PCDHGC3: variants seen among roughly 807,000 people sequenced by gnomAD.
PCDHGC3 encodes the protein protocadherin gamma subfamily C, 3.
A neutral mutation model predicts 59.2 loss-of-function variants in PCDHGC3; 26 were observed. The observed-to-expected ratio is 0.44, with a 90% confidence interval of 0.32 to 0.61. The LOEUF is 0.61. Among genes scored for constraint, PCDHGC3 ranks in the 20% least tolerant of loss-of-function variants. The pLI is 0.05. For missense variants in PCDHGC3, 1,080 were observed against 1,221.8 expected, an observed-to-expected ratio of 0.88 and a Z score of 1.73; for synonymous variants, 487 against 519.7, an observed-to-expected ratio of 0.94 and a Z score of 0.86.
intron 2 of PCDHGC3, among the ~76,000 whole-genome samples, chr5:141,503,458 G>A (rs948221006): frequency 2.0e-5 from 3 of 152,018 alleles, no homozygotes; most frequent in Non-Finnish European, 4.4e-5. Flanking sequence ...CGCTGGGCAT[G>A]GTGGCATGTG....
Position 141,490,479 on chromosome 5 carries a change from C to A in PCDHGC3, c.2431-4328C>A. 6.2e-7 allele frequency: 1 copy of A among 1,614,216 alleles called. No homozygotes were observed. Among genetic ancestry groups the A allele is most frequent in the South Asian group, 1.1e-5 (1 of 91,086 alleles). On this transcript the variant is annotated intron_variant, in intron 1 of 3. Transcript: ENST00000308177. The surrounding 1 kb of genome is among the most constrained non-coding windows in gnomAD (Gnocchi z 5.4). ...CGCTGCTAACCAGCCAGCCTTTGGA[C>A]CGGGAGGCCACATCCCACTATATCA...
chr5:141,501,292 C>CACAT (rs200296563), intron 2 of PCDHGC3, among the ~76,000 whole-genome samples: 14,029 of 50,334 alleles, frequency 0.28, 723 homozygotes, highest in Admixed American at 0.4. Flanking sequence ...TTCCCTTATA[C>CACAT]ACACACACAC....
intron 2 of PCDHGC3, among the ~76,000 whole-genome samples, chr5:141,497,478 C>T (rs974494984): frequency 6.0e-5 from 9 of 150,954 alleles, no homozygotes; most frequent in South Asian, 4.2e-4. Context: ...GGAGAAGGTG[C>T]GGAACCTCTC....
intron 2 of PCDHGC3, among the ~76,000 whole-genome samples, chr5:141,504,178 A>C (rs572543892): frequency 4.5e-4 from 69 of 152,366 alleles, no homozygotes; most frequent in Non-Finnish European, 7.6e-4. Context: ...AAATTCAAAA[A>C]AATCATGAAA....
chr5:141,493,560 C>T lies in PCDHGC3; in HGVS notation c.2431-1247C>T, dbSNP rs1222578153. ...TTATCCTTTTGGAGATTGAGTTCCCCCAGCTCCGTTTCCTCCTATCACAAT... is the reference window on the plus strand; with the variant it reads ...TTATCCTTTTGGAGATTGAGTTCCCTCAGCTCCGTTTCCTCCTATCACAAT... On this transcript the variant is annotated intron_variant, in intron 1 of 3. Transcript: ENST00000308177. The surrounding 1 kb of genome is among the most constrained non-coding windows in gnomAD (Gnocchi z 4.3). Among the ~76,000 whole-genome samples, 4 of 152,162 alleles carry T rather than the reference C, an allele frequency of 2.6e-5. No individual in the cohort carries two copies. The highest frequency in any genetic ancestry group is 2.1e-4 in the South Asian group (1 of 4,830).
At chr5:141,482,768 CTGA>C (rs2099572195) in intron 1 of PCDHGC3, among the ~76,000 whole-genome samples, 1 of 126,868 alleles carries the variant, frequency 7.9e-6, no homozygotes, top group Admixed American at 7.7e-5. Flanking sequence ...TTCATTATCA[CTGA>C]ACCTTAAACT....
Position 141,491,844 on chromosome 5 carries a change from G to A in PCDHGC3, c.2431-2963G>A. On this transcript the variant is annotated intron_variant, in intron 1 of 3. Transcript: ENST00000308177. The surrounding 1 kb of genome is among the most constrained non-coding windows in gnomAD (Gnocchi z 6.9). ...GCTCCACCCGATTCTCGGGATCATT[G>A]GACCGTTTGCGCGAAACCAGAGTGG... 1 of 1,464,184 alleles carries A rather than the reference G, an allele frequency of 6.8e-7. No homozygotes were observed. 90.7% of individuals were successfully genotyped at this position (1,464,184 alleles called of 1,614,324 possible).
intron 2 of PCDHGC3, among the ~76,000 whole-genome samples, chr5:141,500,381 T>G (rs1013284512): frequency 7.2e-5 from 11 of 151,786 alleles, no homozygotes; most frequent in African/African-American, 2.7e-4. Flanking sequence ...GCTAATTATT[T>G]TGTATTTTTA....
intron 2 of PCDHGC3, among the ~76,000 whole-genome samples, chr5:141,496,406 G>C (rs1485949584): frequency 6.6e-6 from 1 of 152,160 alleles, no homozygotes; most frequent in African/African-American, 2.4e-5. Flanking sequence ...CTCAATGGTT[G>C]AGTACTTGCT....
intron 2 of PCDHGC3, among the ~76,000 whole-genome samples, chr5:141,504,359 A>C (rs988295720): frequency 2.6e-5 from 4 of 152,044 alleles, no homozygotes; most frequent in African/African-American, 9.7e-5. Flanking sequence ...TAGGTGCTTC[A>C]GTAGGAAGCA....
At chr5:141,507,474 C>T (rs774159694) in intron 3 of PCDHGC3, among the ~76,000 whole-genome samples, 2 of 152,196 alleles carry the variant, frequency 1.3e-5, no homozygotes, top group Non-Finnish European at 2.9e-5. Flanking sequence ...GCAGGGACTG[C>T]TGGCCTCCTG....
chr5:141,487,577 C>A lies in PCDHGC3; in HGVS notation c.2431-7230C>A. 1.2e-6 allele frequency: 2 copies of A among 1,614,150 alleles called. No individual in the cohort carries two copies. Among genetic ancestry groups the A allele is most frequent in the Non-Finnish European group, 1.7e-6 (2 of 1,180,024 alleles). ...ACCTATGGCAGGGGAGCCTGTTCGC[C>A]CAAGCTGCCCACCCTCTGATCTTCT... On this transcript the variant is annotated intron_variant, in intron 1 of 3. Coordinates refer to ENST00000308177, the MANE Select transcript of PCDHGC3 (RefSeq NM_002588.4). The surrounding 1 kb of genome is among the most constrained non-coding windows in gnomAD (Gnocchi z 5.0).
chr5:141,477,219 G>A lies in PCDHGC3; in HGVS notation c.1103G>A (p.Gly368Glu). Reference protein sequence around the residue: ...YSPVPEDAPLGTVIALLSVTD... With the variant: ...YSPVPEDAPLETVIALLSVTD... ...CCAGTACCCGAGGATGCCCCTCTGG[G>A]GACTGTCATCGCTTTGCTCAGTGTG... Residue 368 changes from glycine (G) to glutamate (E), a missense_variant, in exon 1 of 4, where the codon GGG becomes GAG. Coordinates refer to ENST00000308177, the MANE Select transcript of PCDHGC3 (RefSeq NM_002588.4). The surrounding 1 kb of genome is among the most constrained non-coding windows in gnomAD (Gnocchi z 4.9). 1 of 1,614,162 alleles carries A rather than the reference G, an allele frequency of 6.2e-7. No homozygotes were observed. The highest frequency in any genetic ancestry group is 8.5e-7 in the Non-Finnish European group (1 of 1,180,038).
Position 141,505,427 on chromosome 5 carries a change from A to G in PCDHGC3, c.2524A>G (p.Asn842Asp), listed in dbSNP as rs1453435374. Reference protein sequence around the residue: ...QNGDDTGTWPNNQFDTEMLQA... With the variant: ...QNGDDTGTWPDNQFDTEMLQA... The stretch of plus-strand genomic sequence containing the variant: ...TGGCGATGACACCGGCACCTGGCCC[A>G]ACAACCAGTTTGACACAGAGATGCT... The change falls in exon 3 of 4, where the codon AAC (asparagine) becomes GAC (aspartate). Residue 842 changes from asparagine to aspartate, a missense_variant. Physicochemically the swap from Asn to Asp is conservative, Grantham distance 23 (BLOSUM62 1). Coordinates refer to ENST00000308177, the MANE Select transcript of PCDHGC3 (RefSeq NM_002588.4). 1 of 1,614,230 alleles carries G rather than the reference A, an allele frequency of 6.2e-7. No individual in the cohort carries two copies. Among genetic ancestry groups the G allele is most frequent in the East Asian group, 2.2e-5 (1 of 44,878 alleles).
chr5:141,497,804 T>G (rs1196976996), intron 2 of PCDHGC3, among the ~76,000 whole-genome samples: 1 of 152,186 alleles, frequency 6.6e-6, no homozygotes, highest in Non-Finnish European at 1.5e-5. Context: ...CTTCCCAAAG[T>G]GCTAGAATTA....
In PCDHGC3 at chr5:141,477,794, C is replaced by A. The variant is rs148942362; in HGVS notation, c.1678C>A (p.Arg560Ser). Residue 560 changes from arginine to serine, a missense_variant, in exon 1 of 4, where the codon CGC (arginine) becomes AGC (serine). By Grantham distance (110) the Arg-to-Ser change is moderately radical. Coordinates refer to ENST00000308177, the MANE Select transcript of PCDHGC3 (RefSeq NM_002588.4). This position sits in a 1 kb window ranked among gnomAD's most constrained non-coding sequence, Gnocchi z 4.9. ...NISVNIFVTD[R>S]NDNAPQVLYP... ...CAGCGTGAACATATTTGTCACTGAT[C>A]GCAATGACAATGCCCCCCAGGTCCT... The A allele has an allele frequency of 5.6e-6, 9 of 1,614,086 alleles. No individual in the cohort carries two copies. Among genetic ancestry groups the A allele is most frequent in the Non-Finnish European group, 7.6e-6 (9 of 1,180,030 alleles).
chr5:141,485,275 G>T lies in PCDHGC3; in HGVS notation c.2430+6729G>T, dbSNP rs77402299. ...ACGTTTGTGGGCAGATCCGCTACCC[G>T]GTCCCAGAGGAGTCACAGGAAGGGA... is the stretch of plus-strand genomic sequence containing the variant. On this transcript the variant is annotated intron_variant, in intron 1 of 3. Coordinates refer to ENST00000308177, the MANE Select transcript of PCDHGC3 (RefSeq NM_002588.4). The surrounding 1 kb of genome is among the most constrained non-coding windows in gnomAD (Gnocchi z 5.7). 1.1e-5 allele frequency: 18 copies of T among 1,614,072 alleles called. No individual in the cohort carries two copies. The South Asian group carries it at 1.4e-4, about 13-fold the overall frequency.
rs2154591169 is a variant in PCDHGC3 at position 141,493,606 on chromosome 5, T to A, written c.2431-1201T>A. Among the ~76,000 whole-genome samples, 1 of 152,278 alleles carries A rather than the reference T, an allele frequency of 6.6e-6. No homozygotes were observed. Among genetic ancestry groups the A allele is most frequent in the Non-Finnish European group, 1.5e-5 (1 of 68,022 alleles). ...ACAATCACTGCATTTCCATGTAGAT[T>A]CTGCTGTGTCTAAGAATACAGTGGC... On this transcript the variant is annotated intron_variant, in intron 1 of 3. Transcript: ENST00000308177. This position sits in a 1 kb window ranked among gnomAD's most constrained non-coding sequence, Gnocchi z 4.3.
intron 1 of PCDHGC3, among the ~76,000 whole-genome samples, chr5:141,482,354 G>C (rs1461472845): frequency 6.6e-6 from 1 of 152,096 alleles, no homozygotes; most frequent in Non-Finnish European, 1.5e-5. Context: ...CTTGTTGTGA[G>C]AGTGAAAAGT....
Sources: gnomAD v4.1 joint callset for allele counts (sites outside exome capture counted in the v4.1 genomes callset) on GRCh38, gnomAD v4.1.1 for gene constraint, Gnocchi (gnomAD v3.1) non-coding constraint, MANE v1.5 for transcripts, NCBI Gene and HGNC (gene_info 2026-07-23, HGNC 2026-07-21) for gene names.